The following CRBN variants were observed in gnomAD, a reference collection of about 807,000 sequenced individuals.
CRBN encodes the protein protein cereblon.
CRBN carries 53 observed loss-of-function variants against 62.2 expected under a neutral mutation model. That is an observed-to-expected ratio of 0.85 (90% CI 0.68 to 1.07). The LOEUF (loss-of-function observed/expected upper bound fraction) is 1.07. Ranked by LOEUF, CRBN falls within the 50% of genes least tolerant of loss-of-function variation. The pLI is 0.00. For missense variants in CRBN, 616 were observed against 531.1 expected (o/e 1.16, Z -1.57); for synonymous variants, 208 against 176.1 (o/e 1.18, Z -1.43).
chr3:3,154,811 G>A lies in CRBN; in HGVS notation c.771C>T (p.Ile257=). 1 of 1,600,912 alleles carries A rather than the reference G, an allele frequency of 6.2e-7. No individual in the cohort carries two copies. The highest frequency in any genetic ancestry group is 8.6e-7 in the Non-Finnish European group (1 of 1,168,230). The change falls in exon 7 of 11, where the codon ATC becomes ATT. Residue 257 remains isoleucine (I), a synonymous_variant. Coordinates refer to ENST00000231948, the MANE Select transcript of CRBN (RefSeq NM_016302.4). ...LYDAETLMDR[I]KKQLREWDEN... ...CATCCCATTCACGTAGCTGTTTCTT[G>A]ATTCTGTCCATTAAGGTCTCCTTGT...
chr3:3,177,839 T>C (rs1211235538), intron 1 of CRBN, among the ~76,000 whole-genome samples: 1 of 152,186 alleles, frequency 6.6e-6, no homozygotes, highest in Non-Finnish European at 1.5e-5. Flanking sequence ...AAGCTTTTTG[T>C]TGGAACTTAG....
At chr3:3,156,321 A>G (rs1706891617) in intron 5 of CRBN, 40 bp from the exon 6 acceptor site, 1 of 1,553,394 alleles carries the variant, frequency 6.4e-7, no homozygotes. Flanking sequence ...AACCCCACAG[A>G]ATAAAGATTC....
At chr3:3,176,758 T>G (rs964630115) in intron 1 of CRBN, among the ~76,000 whole-genome samples, 1 of 152,092 alleles carries the variant, frequency 6.6e-6, no homozygotes, top group African/African-American at 2.4e-5. Flanking sequence ...CAAAGAAAAT[T>G]TTGCAATCAT....
chr3:3,179,512 G>C (rs1707980383), intron 1 of CRBN, 109 bp downstream of exon 1: 8 of 1,079,790 alleles, frequency 7.4e-6, no homozygotes, highest in African/African-American at 1.6e-5. Context: ...TGCTGGGCTG[G>C]CTCGCCAGGC....
intron 4 of CRBN, among the ~76,000 whole-genome samples, chr3:3,171,302 T>C (rs148354243): frequency 3.6e-4 from 55 of 152,310 alleles, no homozygotes; most frequent in African/African-American, 1.3e-3. Flanking sequence ...ATCAAAATTG[T>C]ATGAAGATAA....
Position 3,150,876 on chromosome 3 carries a change from G to GTATT in CRBN, c.1314_1317dup (p.Leu440AsnfsTer15), listed in dbSNP as rs775360170. The GTATT allele has an allele frequency of 1.9e-6, 3 of 1,613,414 alleles. No homozygotes were observed. The highest frequency in any genetic ancestry group is 2.5e-6 in the Non-Finnish European group (3 of 1,179,680). On this transcript the variant is annotated frameshift_variant, in exon 11 of 11. Transcript: ENST00000231948. LOFTEE classifies it high-confidence loss of function. The stretch of plus-strand genomic sequence containing the variant: ...TCTATCACATCTGTTTACAAGCAAA[G>GTATT]TATTACTTTGTCTGGACTTATTTCA...
At chr3:3,171,461 A>G (rs987521561) in intron 4 of CRBN, among the ~76,000 whole-genome samples, 1 of 152,162 alleles carries the variant, frequency 6.6e-6, no homozygotes, top group East Asian at 1.9e-4. Flanking sequence ...TAAAACATAA[A>G]TAAGTCTTGG....
At chr3:3,179,011 T>C (rs761351110) in intron 1 of CRBN, among the ~76,000 whole-genome samples, 4 of 151,890 alleles carry the variant, frequency 2.6e-5, no homozygotes, top group African/African-American at 4.8e-5. Flanking sequence ...GAAAGACCGA[T>C]AGTAAGAAAA....
chr3:3,156,063 C>G, intron 6 of CRBN, 156 bp downstream of exon 6: 1 of 678,898 alleles, frequency 1.5e-6, no homozygotes, highest in South Asian at 1.8e-5. Flanking sequence ...CTTGGCCTCC[C>G]AAAGTGCTGG....
At chr3:3,176,032 TC>T (rs1192527016) in intron 1 of CRBN, among the ~76,000 whole-genome samples, 2 of 152,154 alleles carry the variant, frequency 1.3e-5, no homozygotes, top group Non-Finnish European at 2.9e-5. Context: ...AAAGTTCCTT[TC>T]CCCCCTCCTT....
chr3:3,151,125 G>T, intron 10 of CRBN, 80 bp from the exon 11 acceptor site: 1 of 1,415,608 alleles, frequency 7.1e-7, no homozygotes. Flanking sequence ...CATGAAGACA[G>T]ACTTTAGAGG....
chr3:3,165,327 G>T (rs184168096), intron 5 of CRBN, among the ~76,000 whole-genome samples: 3 of 152,200 alleles, frequency 2.0e-5, no homozygotes, highest in Admixed American at 6.5e-5. Context: ...CTCCAATTTT[G>T]AAAGTTCTGT....
chr3:3,162,595 T>G (rs1056617938), intron 5 of CRBN, among the ~76,000 whole-genome samples: 1 of 152,228 alleles, frequency 6.6e-6, no homozygotes, highest in Non-Finnish European at 1.5e-5. Flanking sequence ...TTAAATAATT[T>G]TATTTCATGT....
intron 1 of CRBN, among the ~76,000 whole-genome samples, chr3:3,176,043 T>C (rs1707814217): frequency 6.6e-6 from 1 of 152,164 alleles, no homozygotes; most frequent in African/African-American, 2.4e-5. Flanking sequence ...CCCCCCTCCT[T>C]TTCACATTGT....
intron 4 of CRBN, among the ~76,000 whole-genome samples, chr3:3,168,927 G>A (rs1707469818): frequency 6.6e-6 from 1 of 152,132 alleles, no homozygotes; most frequent in Non-Finnish European, 1.5e-5. Flanking sequence ...ATTATTATTA[G>A]AGCTCATTAG....
At chr3:3,174,413 G>A (rs1191625385) in intron 2 of CRBN, 152 bp from the exon 3 acceptor site, 3 of 684,590 alleles carry the variant, frequency 4.4e-6, no homozygotes, top group Admixed American at 2.3e-5. Flanking sequence ...GGCCGAGGTA[G>A]GCGGATCACC....
chr3:3,175,799 A>AAC (rs1413357165), intron 1 of CRBN, among the ~76,000 whole-genome samples: 1 of 152,180 alleles, frequency 6.6e-6, no homozygotes, highest in Non-Finnish European at 1.5e-5. Context: ...AGTATCCCTC[A>AAC]ACTGGGTTTT....
chr3:3,159,677 G>T (rs1707056562), intron 5 of CRBN, among the ~76,000 whole-genome samples: 1 of 152,154 alleles, frequency 6.6e-6, no homozygotes, highest in Non-Finnish European at 1.5e-5. Context: ...CATCCTGACA[G>T]ATTCAAATAT....
chr3:3,154,061 C>T lies in CRBN; in HGVS notation c.850G>A (p.Val284Ile). 1 of 1,610,366 alleles carries T rather than the reference C, an allele frequency of 6.2e-7. No individual in the cohort carries two copies. The highest frequency in any genetic ancestry group is 2.2e-5 in the East Asian group (1 of 44,838). The change falls in exon 8 of 11, where the codon GTA becomes ATA. Residue 284 changes from valine (V) to isoleucine (I), a missense_variant. Transcript: ENST00000231948. ...PSNPIDFSYR[V>I]AACLPIDDVL... ...TCATCAATAGGAAGACAAGCAGCTA[C>T]TCTGTAAGAAAAATCTTCAAGACAT...
Sources: allele counts gnomAD v4.1 joint callset (sites outside exome capture counted in the v4.1 genomes callset), GRCh38; gene constraint gnomAD v4.1.1; transcripts MANE v1.5; gene names NCBI Gene and HGNC (gene_info 2026-07-23, HGNC 2026-07-21).